Variants in RNF111 observed in about 807,000 individuals in gnomAD.
RNF111 encodes ring finger protein 111.
In RNF111, 17 loss-of-function variants were observed where a neutral mutation model predicts 95.1. The observed-to-expected ratio is 0.18, with a 90% CI of 0.12 to 0.27. The LOEUF (loss-of-function observed/expected upper bound fraction) is 0.27. Among genes scored for constraint, RNF111 ranks in the 10% least tolerant of loss-of-function variants. RNF111 has a pLI of 1.00. For synonymous variants in RNF111, 440 were observed against 414.8 expected (o/e 1.06, Z -0.74); for missense variants, 1,189 against 1,210.4 (o/e 0.98, Z 0.26).
chr15:59,012,261 C>T (rs535362566), intron 1 of RNF111, among the ~76,000 whole-genome samples: 1 of 152,060 alleles, frequency 6.6e-6, no homozygotes, highest in East Asian at 1.9e-4. Flanking sequence ...TCAGGTGGTC[C>T]ACTTGCCTAG....
intron 1 of RNF111, among the ~76,000 whole-genome samples, chr15:59,003,293 C>T (rs2039404610): frequency 6.6e-6 from 1 of 151,818 alleles, no homozygotes; most frequent in African/African-American, 2.4e-5. Context: ...TTTGTAGAGA[C>T]ATGCTTTTGC....
intron 2 of RNF111, among the ~76,000 whole-genome samples, chr15:59,032,569 A>ACAC (rs1312273899): frequency 1.3e-5 from 2 of 152,068 alleles, no homozygotes; most frequent in African/African-American, 4.8e-5. Context: ...CTACAGGCCC[A>ACAC]CACCACCACA....
rs191307384 is a variant in RNF111, at chr15:58,996,823, A to G, written c.-20+8755A>G. Among the ~76,000 whole-genome samples, 46 of 152,160 alleles carry G rather than the reference A, an allele frequency of 3.0e-4. 1 individual carries two copies. Among genetic ancestry groups the G allele is most frequent in the Admixed American group, 2.7e-3 (42 of 15,278 alleles). On this transcript the variant is annotated intron_variant, in intron 1 of 13. Coordinates refer to ENST00000348370, the MANE Select transcript of RNF111 (RefSeq NM_017610.8). ...TTTGAATATTTTAAATTTTCAACCA[A>G]TTAATATCTGTACACGGTTTTAAAA... is the stretch of plus-strand genomic sequence containing the variant.
intron 1 of RNF111, among the ~76,000 whole-genome samples, chr15:59,027,590 G>T (rs544448916): frequency 6.6e-6 from 1 of 151,552 alleles, no homozygotes; most frequent in African/African-American, 2.4e-5. Flanking sequence ...GTGCAATGGC[G>T]CAATCTCGGC....
chr15:59,064,504 C>G (rs887300383), intron 5 of RNF111, among the ~76,000 whole-genome samples: 1 of 133,982 alleles, frequency 7.5e-6, no homozygotes, highest in African/African-American at 2.9e-5. Flanking sequence ...CCACTGCACT[C>G]TAGCCTGGGC....
chr15:59,015,060 T>G (rs1485028081), intron 1 of RNF111, among the ~76,000 whole-genome samples: 2 of 152,180 alleles, frequency 1.3e-5, no homozygotes, highest in African/African-American at 4.8e-5. Flanking sequence ...CGCCACCCAA[T>G]TTCTTGTTAT....
At chr15:59,024,180 A>G (rs2040486645) in intron 1 of RNF111, among the ~76,000 whole-genome samples, 1 of 152,144 alleles carries the variant, frequency 6.6e-6, no homozygotes, top group South Asian at 2.1e-4. Context: ...TAATTTTGTT[A>G]TTATTATTCT....
At chr15:59,079,176 A>G (rs2078663153) in intron 7 of RNF111, among the ~76,000 whole-genome samples, 2 of 152,214 alleles carry the variant, frequency 1.3e-5, no homozygotes, top group Admixed American at 6.5e-5. Flanking sequence ...AAATAAATGG[A>G]CTCATTCTGA....
At chr15:59,075,817 T>G in intron 6 of RNF111, 137 bp from the exon 7 acceptor site, 1 of 903,846 alleles carries the variant, frequency 1.1e-6, no homozygotes, top group Admixed American at 2.8e-5. Flanking sequence ...CACTGGTTCT[T>G]CATACTAAGA....
chr15:59,080,180 G>T (rs1401156674), intron 7 of RNF111, among the ~76,000 whole-genome samples: 2 of 147,522 alleles, frequency 1.4e-5, no homozygotes, highest in African/African-American at 5.1e-5. Context: ...GGGTGCAGTG[G>T]CATGATCTCA....
At chr15:59,015,965 C>G (rs1215474329) in intron 1 of RNF111, among the ~76,000 whole-genome samples, 6 of 151,734 alleles carry the variant, frequency 4.0e-5, no homozygotes, top group Non-Finnish European at 7.4e-5. Context: ...ATCCTCCCAC[C>G]TCAGCCTCCT....
chr15:59,077,644 A>G (rs2078604993), intron 7 of RNF111, among the ~76,000 whole-genome samples: 1 of 152,240 alleles, frequency 6.6e-6, no homozygotes. Context: ...TCCATTGTAT[A>G]TTAAATCAGT....
intron 4 of RNF111, among the ~76,000 whole-genome samples, chr15:59,057,692 T>C (rs2042254199): frequency 6.6e-6 from 1 of 152,234 alleles, no homozygotes; most frequent in African/African-American, 2.4e-5. Flanking sequence ...TTACAAAATT[T>C]TCTTTGGAAA....
intron 1 of RNF111, among the ~76,000 whole-genome samples, chr15:58,991,617 A>G (rs1301095606): frequency 2.6e-5 from 4 of 152,330 alleles, no homozygotes; most frequent in South Asian, 2.1e-4. Context: ...TGTGACTTCA[A>G]TGACTAGAAA....
At chr15:59,019,377 T>C (rs571950109) in intron 1 of RNF111, among the ~76,000 whole-genome samples, 11 of 152,316 alleles carry the variant, frequency 7.2e-5, no homozygotes, top group Non-Finnish European at 1.5e-4. Flanking sequence ...AGGCCTGATA[T>C]GTCTGATGGT....
chr15:59,052,302 C>T lies in RNF111; in HGVS notation c.881-3C>T. 6.4e-7 allele frequency: 1 copy of T among 1,554,626 alleles called. No individual in the cohort carries two copies. On this transcript the variant is annotated splice_region_variant and splice_polypyrimidine_tract_variant and intron_variant, in intron 2 of 13. Transcript: ENST00000348370. The stretch of plus-strand genomic sequence containing the variant: ...TTTAAATGTTTTTTCTTTTTGTTTC[C>T]AGGAAGTATTGATGAAGATGTTGTG...
At chr15:59,016,945 C>T (rs2040095043) in intron 1 of RNF111, among the ~76,000 whole-genome samples, 1 of 151,850 alleles carries the variant, frequency 6.6e-6, no homozygotes, top group African/African-American at 2.4e-5. Context: ...TTGCTTGCTC[C>T]TTACGAGAAT....
intron 1 of RNF111, among the ~76,000 whole-genome samples, chr15:58,991,097 G>T (rs183911637): frequency 6.6e-6 from 1 of 152,080 alleles, no homozygotes; most frequent in African/African-American, 2.4e-5. Context: ...TTCGAGAGCA[G>T]CCAGGCCAAC....
intron 2 of RNF111, among the ~76,000 whole-genome samples, chr15:59,046,257 C>T (rs1358279655): frequency 6.6e-6 from 1 of 151,706 alleles, no homozygotes; most frequent in African/African-American, 2.4e-5. Context: ...GCAGTGGCGC[C>T]ATCAGGGGTC....
Sources: gnomAD v4.1 joint callset for allele counts (sites outside exome capture counted in the v4.1 genomes callset) on GRCh38, gnomAD v4.1.1 for gene constraint, MANE v1.5 for transcripts, NCBI Gene and HGNC (gene_info 2026-07-23, HGNC 2026-07-21) for gene names.